Variants in PTPRT observed in about 807,000 individuals in gnomAD.
PTPRT encodes the protein receptor-type tyrosine-protein phosphatase T.
In PTPRT, 56 loss-of-function variants were observed where a neutral mutation model predicts 176.8. The ratio of observed to expected loss-of-function variants is 0.32; its 90% CI spans 0.26 to 0.40. PTPRT has a LOEUF of 0.40. Ranked by LOEUF, PTPRT falls within the 10% of genes least tolerant of loss-of-function variation. PTPRT has a pLI of 1.00. For synonymous variants in PTPRT, 783 were observed against 739.0 expected (o/e 1.06, Z -0.96); for missense variants, 1,540 against 1,908.2 (o/e 0.81, Z 3.60).
intron 11 of PTPRT, among the ~76,000 whole-genome samples, chr20:42,340,525 C>T (rs993851656): frequency 3.9e-5 from 6 of 152,208 alleles, no homozygotes; most frequent in African/African-American, 1.4e-4. Context: ...AATCACTTCT[C>T]TCACTGTTGC....
chr20:42,751,604 C>T (rs1216877095), intron 6 of PTPRT, among the ~76,000 whole-genome samples: 1 of 152,110 alleles, frequency 6.6e-6, no homozygotes, highest in African/African-American at 2.4e-5. Flanking sequence ...GACACCATCC[C>T]ATCAGCTGCC....
chr20:42,154,951 A>G (rs886728503), intron 17 of PTPRT, among the ~76,000 whole-genome samples: 8 of 152,178 alleles, frequency 5.3e-5, no homozygotes, highest in African/African-American at 1.7e-4. Context: ...GTTCAGAATC[A>G]CATGCCCTTT....
At chr20:42,431,715 T>C (rs1036346950) in intron 9 of PTPRT, among the ~76,000 whole-genome samples, 3 of 152,292 alleles carry the variant, frequency 2.0e-5, no homozygotes, top group Admixed American at 2.0e-4. Context: ...GAGAGCCTAT[T>C]GTACATACAA....
chr20:43,053,616 C>A (rs974155435), intron 1 of PTPRT, among the ~76,000 whole-genome samples: 1 of 152,184 alleles, frequency 6.6e-6, no homozygotes, highest in Admixed American at 6.5e-5. Context: ...GTTTGTGCTC[C>A]GCCTGGATTC....
At chr20:42,626,724 C>T (rs1197660867) in intron 7 of PTPRT, among the ~76,000 whole-genome samples, 1 of 152,136 alleles carries the variant, frequency 6.6e-6, no homozygotes. Flanking sequence ...CAGGTGGAAT[C>T]CATCATGGTG....
At chr20:43,013,422 A>G (rs1985225696) in intron 1 of PTPRT, among the ~76,000 whole-genome samples, 1 of 152,218 alleles carries the variant, frequency 6.6e-6, no homozygotes, top group Non-Finnish European at 1.5e-5. Flanking sequence ...TTTTGTGCCC[A>G]GAGGGTGTGC....
intron 2 of PTPRT, among the ~76,000 whole-genome samples, chr20:42,878,861 T>C (rs2078972637): frequency 6.6e-6 from 1 of 152,058 alleles, no homozygotes; most frequent in East Asian, 1.9e-4. Flanking sequence ...ACCCCGTCTC[T>C]ACTAAAAATA....
chr20:42,228,006 G>A (rs1211873536), intron 15 of PTPRT, among the ~76,000 whole-genome samples: 2 of 152,128 alleles, frequency 1.3e-5, no homozygotes, highest in African/African-American at 4.8e-5. Context: ...CTTTCTGTTA[G>A]CAGAGAATCT....
chr20:42,726,057 T>A (rs1046882332), intron 6 of PTPRT, among the ~76,000 whole-genome samples: 2 of 142,286 alleles, frequency 1.4e-5, no homozygotes, highest in African/African-American at 5.2e-5. Context: ...TGTGGGCATC[T>A]TTATTATTAT....
intron 7 of PTPRT, among the ~76,000 whole-genome samples, chr20:42,602,226 G>A (rs1412849635): frequency 1.3e-5 from 2 of 152,058 alleles, no homozygotes; most frequent in Non-Finnish European, 2.9e-5. Flanking sequence ...GTTCCTTTGT[G>A]CACAACAGGC....
At chr20:42,251,630 G>A (rs1283158398) in intron 13 of PTPRT, among the ~76,000 whole-genome samples, 6 of 151,614 alleles carry the variant, frequency 4.0e-5, no homozygotes, top group African/African-American at 1.5e-4. Flanking sequence ...AAGACAGGCT[G>A]TAACCAGGCA....
intron 7 of PTPRT, among the ~76,000 whole-genome samples, chr20:42,643,476 C>G (rs1000977385): frequency 6.6e-6 from 1 of 151,938 alleles, no homozygotes; most frequent in Admixed American, 6.6e-5. Context: ...TACATGCCTC[C>G]ACACTCAGCT....
At chr20:42,940,614 G>T (rs193087923) in intron 1 of PTPRT, among the ~76,000 whole-genome samples, 147 of 151,962 alleles carry the variant, frequency 9.7e-4, no homozygotes, top group Non-Finnish European at 1.9e-3. Context: ...CTGCTCTTAG[G>T]TGGGGGAAAA....
chr20:42,112,154 C>A (rs546144628), intron 22 of PTPRT, among the ~76,000 whole-genome samples: 29 of 152,300 alleles, frequency 1.9e-4, no homozygotes, highest in Admixed American at 7.8e-4. Flanking sequence ...ATTAGACTTG[C>A]ATTTTAGGAG....
intron 9 of PTPRT, among the ~76,000 whole-genome samples, chr20:42,396,316 C>T (rs2058848951): frequency 6.6e-6 from 1 of 152,170 alleles, no homozygotes; most frequent in African/African-American, 2.4e-5. Flanking sequence ...AATTCTACTA[C>T]TTCTCATCAC....
chr20:42,501,107 T>A (rs2071743413), intron 7 of PTPRT, among the ~76,000 whole-genome samples: 2 of 152,140 alleles, frequency 1.3e-5, no homozygotes, highest in African/African-American at 4.8e-5. Context: ...ATCACGCCTT[T>A]CCCCGTCACT....
chr20:42,503,936 CCT>C (rs762416128), intron 7 of PTPRT, among the ~76,000 whole-genome samples: 1 of 152,066 alleles, frequency 6.6e-6, no homozygotes, highest in Non-Finnish European at 1.5e-5. Context: ...ATTCAGGTCA[CCT>C]TATGAGGGAA....
chr20:42,277,052 C>T (rs921979734), intron 13 of PTPRT, among the ~76,000 whole-genome samples: 7 of 152,236 alleles, frequency 4.6e-5, no homozygotes, highest in South Asian at 2.1e-4. Flanking sequence ...CAAAAGCCAG[C>T]GCCCAAACCT....
intron 1 of PTPRT, among the ~76,000 whole-genome samples, chr20:42,949,332 C>T (rs1241336043): frequency 6.6e-6 from 1 of 152,186 alleles, no homozygotes; most frequent in East Asian, 1.9e-4. Context: ...ACATCTGCTG[C>T]CACTGAAGAA....
Sources: allele counts gnomAD v4.1 joint callset (sites outside exome capture counted in the v4.1 genomes callset), GRCh38; gene constraint gnomAD v4.1.1; transcripts MANE v1.5; gene names NCBI Gene and HGNC (gene_info 2026-07-23, HGNC 2026-07-21).